ALDH5A1: variants seen among roughly 807,000 people sequenced by gnomAD.
ALDH5A1 encodes the protein aldehyde dehydrogenase 5 family member A1, also known as succinate-semialdehyde dehydrogenase, mitochondrial.
A neutral mutation model predicts 54.7 loss-of-function variants in ALDH5A1; 33 were observed. That is an observed-to-expected ratio of 0.60 (90% CI 0.46 to 0.81). The LOEUF (loss-of-function observed/expected upper bound fraction) is 0.81, where lower values mean the gene tolerates loss of function less well. Among genes scored for constraint, ALDH5A1 ranks in the 30% least tolerant of loss-of-function variants. ALDH5A1 has a pLI of 0.00. For synonymous variants in ALDH5A1, 294 were observed against 292.7 expected (o/e 1.00, Z -0.05); for missense variants, 657 against 711.0 (o/e 0.92, Z 0.86).
chr6:24,503,581 T>C, intron 3 of ALDH5A1, 148 bp downstream of exon 3: 1 of 955,098 alleles, frequency 1.0e-6, no homozygotes, highest in Non-Finnish European at 1.6e-6. Flanking sequence ...GATGTGGAAG[T>C]GTGTTTCCTA....
chr6:24,496,468 A>G (rs552280767), intron 1 of ALDH5A1, among the ~76,000 whole-genome samples: 1 of 152,326 alleles, frequency 6.6e-6, no homozygotes, highest in Non-Finnish European at 1.5e-5. Context: ...GCCATAGCAA[A>G]GTACCACAGA....
chr6:24,502,889 A>G (rs541777819), intron 2 of ALDH5A1, among the ~76,000 whole-genome samples: 1 of 149,598 alleles, frequency 6.7e-6, no homozygotes, highest in Non-Finnish European at 1.5e-5. Context: ...TTTCCATGTT[A>G]CTGTTTTGGT....
rs1759721003 is a variant in ALDH5A1 at position 24,522,790 on chromosome 6, C to A, written c.1038C>A (p.Phe346Leu). The A allele has an allele frequency of 1.2e-6, 2 of 1,613,986 alleles. No homozygotes were observed. The highest frequency in any genetic ancestry group is 1.7e-4 in the Middle Eastern group (1 of 6,060). The change falls in exon 7 of 10, where the codon TTC becomes TTA. Residue 346 changes from phenylalanine to leucine, a missense_variant. Phe to Leu is a conservative substitution (Grantham distance 22). This residue lies in a region of ALDH5A1 where 425 missense variants were observed against 516.4 expected (regional missense o/e 0.82). Coordinates refer to ENST00000357578, the MANE Select transcript of ALDH5A1 (RefSeq NM_001080.3). ...TGQTCVCSNQ[F>L]LVQRGIHDAF... The stretch of plus-strand genomic sequence containing the variant: ...AGACTTGTGTTTGCTCAAACCAATT[C>A]TTGGTGCAAAGGGGCATCCATGATG...
intron 4 of ALDH5A1, among the ~76,000 whole-genome samples, chr6:24,510,345 A>G (rs1318430310): frequency 6.6e-6 from 1 of 152,108 alleles, no homozygotes; most frequent in Non-Finnish European, 1.5e-5. Context: ...GTTTAAATCT[A>G]GTGTTTCTTT....
At chr6:24,530,802 C>T (rs141660156) in intron 8 of ALDH5A1, among the ~76,000 whole-genome samples, 2 of 152,228 alleles carry the variant, frequency 1.3e-5, no homozygotes, top group African/African-American at 4.8e-5. Context: ...CCAAGCCAGC[C>T]CTGCTGCTTT....
chr6:24,508,673 T>C (rs1431095914), intron 4 of ALDH5A1, among the ~76,000 whole-genome samples: 1 of 152,234 alleles, frequency 6.6e-6, no homozygotes, highest in Non-Finnish European at 1.5e-5. Context: ...GTTCTACTTT[T>C]AGTTCTCTAA....
At chr6:24,504,593 T>C (rs1759299843) in intron 3 of ALDH5A1, among the ~76,000 whole-genome samples, 1 of 152,242 alleles carries the variant, frequency 6.6e-6, no homozygotes, top group Non-Finnish European at 1.5e-5. Context: ...AAATTTACGA[T>C]CTGGCCCTTC....
chr6:24,514,856 T>C (rs1759532118), intron 4 of ALDH5A1, among the ~76,000 whole-genome samples: 1 of 152,096 alleles, frequency 6.6e-6, no homozygotes, highest in African/African-American at 2.4e-5. Context: ...CACTGCAACC[T>C]CCACCTCCTG....
chr6:24,507,895 T>C (rs1487752975), intron 4 of ALDH5A1, among the ~76,000 whole-genome samples: 1 of 152,134 alleles, frequency 6.6e-6, no homozygotes, highest in South Asian at 2.1e-4. Context: ...CTGAGCAGTA[T>C]ATACTGCACA....
chr6:24,525,630 CCCA>C (rs1243173834), intron 7 of ALDH5A1, among the ~76,000 whole-genome samples: 1 of 152,050 alleles, frequency 6.6e-6, no homozygotes, highest in East Asian at 1.9e-4. Context: ...ATCTCTTGAA[CCCA>C]CGAGGCGGAG....
intron 7 of ALDH5A1, among the ~76,000 whole-genome samples, chr6:24,523,986 T>TG (rs1491544088): frequency 2.9e-3 from 23 of 7,846 alleles, no homozygotes; most frequent in African/African-American, 0.011. Flanking sequence ...GTTTTTTGTG[T>TG]TTTTTTTTTT....
In ALDH5A1 at chr6:24,512,850, C is replaced by T. The variant is rs115847634; in HGVS notation, c.727-2317C>T. Among the ~76,000 whole-genome samples, 735 of 152,156 alleles carry T rather than the reference C, an allele frequency of 4.8e-3. 3 individuals carry two copies. The highest frequency in any genetic ancestry group is 7.6e-3 in the Non-Finnish European group (516 of 67,992). On this transcript the variant is annotated intron_variant, in intron 4 of 9. Transcript: ENST00000357578. Reference sequence around the variant, plus strand: ...AATTGCAGGCACACACCATCATGCCCGTCTATTTTTTGCATTTTTAGTAGA... The same window carrying T: ...AATTGCAGGCACACACCATCATGCCTGTCTATTTTTTGCATTTTTAGTAGA...
At position 24,522,826 on chromosome 6, in the gene ALDH5A1, A is replaced by T; in HGVS notation, c.1074A>T (p.Lys358Asn). The T allele has an allele frequency of 1.2e-6, 2 of 1,614,100 alleles. No individual in the cohort carries two copies. Among genetic ancestry groups the T allele is most frequent in the Non-Finnish European group, 1.7e-6 (2 of 1,180,020 alleles). The change falls in exon 7 of 10, where the codon AAA becomes AAT. Residue 358 changes from lysine to asparagine, a missense_variant. Lys to Asn is a moderately conservative substitution (Grantham distance 94). Transcript: ENST00000357578. The part of the protein sequence containing the change: ...VQRGIHDAFV[K>N]AFAEAMKKNL... ...GGGGCATCCATGATGCCTTTGTAAA[A>T]GCATTCGCCGAGGCCATGAAGAAGA... is the stretch of plus-strand genomic sequence containing the variant.
intron 4 of ALDH5A1, among the ~76,000 whole-genome samples, chr6:24,508,449 C>T (rs952352012): frequency 1.3e-5 from 2 of 149,486 alleles, no homozygotes; most frequent in South Asian, 2.1e-4. Context: ...TTAATTCATT[C>T]CTTTTTATGG....
At chr6:24,513,173 C>T (rs1759493982) in intron 4 of ALDH5A1, among the ~76,000 whole-genome samples, 1 of 152,158 alleles carries the variant, frequency 6.6e-6, no homozygotes, top group South Asian at 2.1e-4. Flanking sequence ...GTTTCTCCTG[C>T]CTCAGCCTCC....
chr6:24,517,741 G>A (rs1161067407), intron 5 of ALDH5A1, among the ~76,000 whole-genome samples: 2 of 152,254 alleles, frequency 1.3e-5, no homozygotes. Context: ...AATGTGACAA[G>A]TATAGCTGAA....
At chr6:24,511,874 C>T in intron 4 of ALDH5A1, 2 of 595,346 alleles carry the variant, frequency 3.4e-6, no homozygotes, top group South Asian at 2.3e-5. Context: ...TGTTGGTGAG[C>T]TCATGTGATT....
chr6:24,512,890 A>G (rs1423611902), intron 4 of ALDH5A1, among the ~76,000 whole-genome samples: 4 of 151,926 alleles, frequency 2.6e-5, no homozygotes, highest in African/African-American at 7.3e-5. Flanking sequence ...GGGTTTTGCC[A>G]TGTTGGCCAG....
At chr6:24,523,868 T>A (rs115605567) in intron 7 of ALDH5A1, among the ~76,000 whole-genome samples, 2,456 of 152,272 alleles carry the variant, frequency 0.016, 35 homozygotes, top group South Asian at 0.042. Context: ...TTTAAAAAAA[T>A]GTTATAATCC....
Sources: allele counts gnomAD v4.1 joint callset (sites outside exome capture counted in the v4.1 genomes callset), GRCh38; gene constraint gnomAD v4.1.1; regional missense constraint gnomAD v4.1.1; transcripts MANE v1.5; gene names NCBI Gene and HGNC (gene_info 2026-07-23, HGNC 2026-07-21).